Variants in COL5A1 observed in about 807,000 individuals in gnomAD.
The protein encoded by COL5A1 is collagen type V alpha 1 chain.
COL5A1 carries 16 observed loss-of-function variants against 263.7 expected under a neutral mutation model. That is an observed-to-expected ratio of 0.06 (90% CI 0.04 to 0.09). The LOEUF (loss-of-function observed/expected upper bound fraction) is 0.09. Ranked by LOEUF, COL5A1 falls within the 10% of genes least tolerant of loss-of-function variation. The probability of loss-of-function intolerance (pLI) is 1.00; values close to 1 mark genes in which losing one functional copy is unlikely to be tolerated. For missense variants in COL5A1, 2,036 were observed against 2,540.5 expected (o/e 0.80, Z 4.27); for synonymous variants, 1,012 against 1,004.5 (o/e 1.01, Z -0.14).
At chr9:134,759,251 T>A (rs1361188090) in intron 18 of COL5A1, among the ~76,000 whole-genome samples, 2 of 122,248 alleles carry the variant, frequency 1.6e-5, no homozygotes, top group African/African-American at 7.9e-5. Context: ...ACACCACACA[T>A]GTGTGCGCGC....
intron 1 of COL5A1, among the ~76,000 whole-genome samples, chr9:134,665,130 C>T (rs779688378): frequency 4.6e-5 from 7 of 152,154 alleles, no homozygotes; most frequent in South Asian, 2.1e-4. Flanking sequence ...ACCCTGGAGA[C>T]GGAGGTTGCA....
intron 19 of COL5A1, among the ~76,000 whole-genome samples, chr9:134,762,194 G>A (rs1305949470): frequency 1.3e-5 from 2 of 152,214 alleles, no homozygotes; most frequent in Middle Eastern, 3.2e-3. Context: ...GCAACGTTTA[G>A]TTACTCCATC....
chr9:134,708,900 C>T (rs1193989652), intron 4 of COL5A1: 5 of 456,590 alleles, frequency 1.1e-5, no homozygotes, highest in Admixed American at 7.0e-5. Context: ...CCCCGGGTGG[C>T]CCCAGACACT....
chr9:134,763,015 T>C (rs1390093907), intron 19 of COL5A1, among the ~76,000 whole-genome samples: 1 of 152,130 alleles, frequency 6.6e-6, no homozygotes, highest in Non-Finnish European at 1.5e-5. Context: ...TGTGTATGCA[T>C]GTGCATGCAC....
rs1261396238 is a variant in COL5A1 at position 134,758,585 on chromosome 9, G to C, written c.1935+289G>C. On this transcript the variant is annotated intron_variant, in intron 18 of 65. Transcript: ENST00000371817. This position sits in a 1 kb window ranked among gnomAD's most constrained non-coding sequence, Gnocchi z 4.1. ...GGCGCGTGAAGGGGGCAGGGAAGGA[G>C]CCCTTCCTTTTAGAGATCTGTTTAA... Among the ~76,000 whole-genome samples, 1 of 152,134 alleles carries C rather than the reference G, an allele frequency of 6.6e-6. No individual in the cohort carries two copies. The highest frequency in any genetic ancestry group is 2.4e-5 in the African/African-American group (1 of 41,428).
At chr9:134,718,128 C>T (rs1834336219) in intron 4 of COL5A1, among the ~76,000 whole-genome samples, 1 of 152,198 alleles carries the variant, frequency 6.6e-6, no homozygotes, top group Admixed American at 6.5e-5. Context: ...ACAACAGAGA[C>T]GCAGCCTGGA....
Position 134,823,396 on chromosome 9 carries a change from ATTC to A in COL5A1, c.4645-17_4645-15del. 2 of 1,614,120 alleles carry A rather than the reference ATTC, an allele frequency of 1.2e-6. No individual in the cohort carries two copies. The highest frequency in any genetic ancestry group is 1.7e-6 in the Non-Finnish European group (2 of 1,179,936). On this transcript the variant is annotated splice_polypyrimidine_tract_variant and intron_variant, in intron 60 of 65. Transcript: ENST00000371817. ...CTCATACCTCTGTGACCAAGGGTTG[ATTC>A]TTTTCTTTCTCCCCAGGGTCCAACT...
intron 1 of COL5A1, among the ~76,000 whole-genome samples, chr9:134,668,294 A>T (rs1034596856): frequency 6.6e-6 from 1 of 152,214 alleles, no homozygotes; most frequent in Non-Finnish European, 1.5e-5. Context: ...TTTCAGAGGT[A>T]GCAATGTCTA....
At chr9:134,672,598 C>G (rs772198775) in intron 1 of COL5A1, among the ~76,000 whole-genome samples, 1 of 152,168 alleles carries the variant, frequency 6.6e-6, no homozygotes, top group East Asian at 1.9e-4. Flanking sequence ...TGCTTTCACC[C>G]TAAGATCAGG....
rs1835893700 is a variant in COL5A1, at chr9:134,754,221, CT to C, written c.1774-51del. 6.3e-7 allele frequency: 1 copy of C among 1,590,292 alleles called. No individual in the cohort carries two copies. Among genetic ancestry groups the C allele is most frequent in the Non-Finnish European group, 8.6e-7 (1 of 1,162,062 alleles). On this transcript the variant is annotated intron_variant, in intron 15 of 65. Coordinates refer to ENST00000371817, the MANE Select transcript of COL5A1 (RefSeq NM_000093.5). This position sits in a 1 kb window ranked among gnomAD's most constrained non-coding sequence, Gnocchi z 4.3. ...GCACAGGGACAAGGCTTTGCTCTTT[CT>C]CCTGAGAAAGGCGGACTCGCCACTG...
intron 39 of COL5A1, among the ~76,000 whole-genome samples, chr9:134,804,301 C>T (rs1488495248): frequency 1.3e-5 from 2 of 152,108 alleles, no homozygotes; most frequent in Non-Finnish European, 2.9e-5. Flanking sequence ...CCATGTTGGA[C>T]CCCAGAGAAC....
intron 31 of COL5A1, 77 bp downstream of exon 31, chr9:134,786,125 C>T (rs755041841): frequency 2.4e-5 from 32 of 1,337,000 alleles, no homozygotes; most frequent in East Asian, 7.4e-5. Flanking sequence ...TGCATCCGGC[C>T]GTGTTAGGTG....
chr9:134,782,578 C>T, intron 28 of COL5A1, 89 bp from the exon 29 acceptor site: 1 of 1,242,026 alleles, frequency 8.1e-7, no homozygotes, highest in Non-Finnish European at 1.2e-6. Flanking sequence ...GGACCTGGTG[C>T]TGAGTGTGGT....
At chr9:134,648,374 T>C (rs1831547765) in intron 1 of COL5A1, among the ~76,000 whole-genome samples, 1 of 151,786 alleles carries the variant, frequency 6.6e-6, no homozygotes, top group Admixed American at 6.6e-5. Flanking sequence ...CCCTGACTAA[T>C]ACAGCTCTGC....
At chr9:134,795,046 TAG>T (rs1345776154) in intron 32 of COL5A1, 34 bp from the exon 33 acceptor site, 1 of 1,611,252 alleles carries the variant, frequency 6.2e-7, no homozygotes, top group Non-Finnish European at 8.5e-7. Flanking sequence ...GCCGGGCATT[TAG>T]AGAGTGACTG....
At chr9:134,761,781 T>C in intron 18 of COL5A1, 144 bp from the exon 19 acceptor site, 2 of 853,712 alleles carry the variant, frequency 2.3e-6, no homozygotes, top group Admixed American at 3.5e-5. Context: ...CGTGATCTTC[T>C]AAGGAAAATT....
Position 134,714,826 on chromosome 9 carries a change from A to ATAG in COL5A1, c.655-12439_655-12438insAGT, listed in dbSNP as rs1554784917. On this transcript the variant is annotated intron_variant, in intron 4 of 65. Transcript: ENST00000371817. ...GGTGGTGGTGGTGGTGGAGGCGATG[A>ATAG]TGGTGGTGGTGGTGATGCTGGTGAA... is the stretch of plus-strand genomic sequence containing the variant. Among the ~76,000 whole-genome samples the ATAG allele has an allele frequency of 3.2e-4, 6 of 19,046 alleles. No homozygotes were observed. The East Asian group carries it at 0.011, about 34-fold the overall frequency. The allele number at this position is 19,046 out of a possible 152,430, so 12.5% of individuals were successfully genotyped here.
chr9:134,809,378 G>A, intron 43 of COL5A1, 88 bp downstream of exon 43: 11 of 1,047,206 alleles, frequency 1.1e-5, no homozygotes, highest in Admixed American at 2.0e-5. Flanking sequence ...ACAGGATGCT[G>A]GCAGGTAGAG....
chr9:134,695,389 G>T (rs1052965822), intron 2 of COL5A1, among the ~76,000 whole-genome samples: 3 of 152,208 alleles, frequency 2.0e-5, no homozygotes, highest in Admixed American at 2.0e-4. Context: ...CTGCCAGAGA[G>T]CAAGGGAGCA....
Sources: allele counts gnomAD v4.1 joint callset (sites outside exome capture counted in the v4.1 genomes callset), GRCh38; gene constraint gnomAD v4.1.1; non-coding constraint Gnocchi (gnomAD v3.1); transcripts MANE v1.5; gene names NCBI Gene and HGNC (gene_info 2026-07-23, HGNC 2026-07-21).